The following CASP4 variants were observed in gnomAD, a reference collection of about 807,000 sequenced individuals.
CASP4 encodes the protein caspase-4.
In CASP4, 29 loss-of-function variants were observed where a neutral mutation model predicts 41.3. The ratio of observed to expected loss-of-function variants is 0.70; its 90% CI spans 0.52 to 0.96. CASP4 has a LOEUF of 0.96. Among genes scored for constraint, CASP4 ranks in the 40% least tolerant of loss-of-function variants. The pLI, the probability that CASP4 is intolerant of heterozygous loss-of-function variation, is 0.00. For synonymous variants in CASP4, 185 were observed against 158.4 expected, an observed-to-expected ratio of 1.17 and a Z score of -1.26; for missense variants, 447 against 460.6, an observed-to-expected ratio of 0.97 and a Z score of 0.27.
chr11:104,946,118 A>C (rs1184700835), intron 7 of CASP4, among the ~76,000 whole-genome samples: 2 of 152,112 alleles, frequency 1.3e-5, no homozygotes, highest in African/African-American at 4.8e-5. Flanking sequence ...GAGTGCTGGG[A>C]TTACAGGAAT....
intron 1 of CASP4, among the ~76,000 whole-genome samples, chr11:104,958,687 G>A (rs1163636267): frequency 2.0e-5 from 3 of 152,090 alleles, no homozygotes; most frequent in Non-Finnish European, 4.4e-5. Context: ...TAGGCCCTGC[G>A]CAGTGGCTCA....
At chr11:104,949,927 G>C (rs1860566740) in intron 4 of CASP4, 150 bp from the exon 5 acceptor site, 2 of 717,070 alleles carry the variant, frequency 2.8e-6, no homozygotes, top group South Asian at 3.8e-5. Flanking sequence ...GCTGTTTAAT[G>C]GTTTTATTTT....
At chr11:104,944,661 A>G (rs1860409293) in intron 8 of CASP4, 87 bp downstream of exon 8, 2 of 830,112 alleles carry the variant, frequency 2.4e-6, no homozygotes, top group Non-Finnish European at 4.1e-6. Flanking sequence ...CCATCCAAGT[A>G]CTCAGCTGTC....
intron 1 of CASP4, among the ~76,000 whole-genome samples, chr11:104,956,398 G>GC (rs1484451919): frequency 1.3e-5 from 2 of 151,888 alleles, no homozygotes; most frequent in African/African-American, 2.4e-5. Flanking sequence ...CCCTCATCAT[G>GC]CCAAGTGCAT....
At chr11:104,957,866 A>G (rs1423986691) in intron 1 of CASP4, among the ~76,000 whole-genome samples, 1 of 152,194 alleles carries the variant, frequency 6.6e-6, no homozygotes, top group East Asian at 1.9e-4. Flanking sequence ...AGCTGCAGGC[A>G]TCGCACTATC....
chr11:104,944,961 A>G (rs1236221641), intron 7 of CASP4, 110 bp from the exon 8 acceptor site: 4 of 759,906 alleles, frequency 5.3e-6, no homozygotes, highest in Non-Finnish European at 9.1e-6. Context: ...TGCAGGTTTC[A>G]TAGAACCAAG....
chr11:104,946,320 T>C (rs1056906065), intron 7 of CASP4, among the ~76,000 whole-genome samples: 9 of 152,388 alleles, frequency 5.9e-5, no homozygotes, highest in Non-Finnish European at 1.3e-4. Context: ...CATGTATTTA[T>C]TCAATAATTA....
chr11:104,945,808 C>T (rs899838990), intron 7 of CASP4, among the ~76,000 whole-genome samples: 1 of 151,954 alleles, frequency 6.6e-6, no homozygotes, highest in Admixed American at 6.6e-5. Flanking sequence ...TGCATTTCCT[C>T]CTCCTTCTCC....
chr11:104,959,444 G>T (rs1860810109), intron 1 of CASP4, among the ~76,000 whole-genome samples: 1 of 152,102 alleles, frequency 6.6e-6, no homozygotes, highest in Admixed American at 6.5e-5. Context: ...ATGTTTATTT[G>T]TCAAATAAAT....
chr11:104,950,797 TACACACACACAC>T, intron 4 of CASP4, 116 bp downstream of exon 4: 1 of 463,860 alleles, frequency 2.2e-6, no homozygotes, highest in South Asian at 4.0e-5. Flanking sequence ...TTATTTTGTA[TACACACACACAC>T]ACACACACAC....
At chr11:104,966,492 A>G (rs1860978688) in intron 1 of CASP4, among the ~76,000 whole-genome samples, 1 of 152,260 alleles carries the variant, frequency 6.6e-6, no homozygotes, top group Non-Finnish European at 1.5e-5. Context: ...GAAGCTCAAG[A>G]AAAGCATAAG....
intron 1 of CASP4, among the ~76,000 whole-genome samples, chr11:104,960,768 T>C (rs55775626): frequency 1.3e-5 from 2 of 152,026 alleles, no homozygotes; most frequent in African/African-American, 2.4e-5. Flanking sequence ...AGCCACCACA[T>C]CCAGCCTTTT....
intron 7 of CASP4, among the ~76,000 whole-genome samples, chr11:104,945,865 A>G (rs1860446684): frequency 6.6e-6 from 1 of 150,430 alleles, no homozygotes; most frequent in Non-Finnish European, 1.5e-5. Flanking sequence ...TTCTTTTTTT[A>G]AGACAGGGTC....
chr11:104,964,188 C>T (rs1257452093), intron 1 of CASP4, among the ~76,000 whole-genome samples: 2 of 152,038 alleles, frequency 1.3e-5, no homozygotes, highest in Non-Finnish European at 2.9e-5. Context: ...TTGCTTTGGT[C>T]GTTTTCAAAA....
At chr11:104,951,721 G>A (rs1222283215) in intron 3 of CASP4, 175 bp downstream of exon 3, 2 of 654,280 alleles carry the variant, frequency 3.1e-6, no homozygotes, top group Non-Finnish European at 5.6e-6. Flanking sequence ...ATCATGGATT[G>A]AGAAAGGATT....
rs891066126 is a variant in CASP4 at position 104,954,784 on chromosome 11, G to T, written c.225C>A (p.Thr75=). ...QRMAGQMLLQ[T]FFNIDQISPN... ...GGGATATTTGGTCTATGTTAAAAAA[G>T]GTTTGAAGAAGCATTTGTCCTGCCA... The change falls in exon 2 of 9, where the codon ACC becomes ACA. Residue 75 remains threonine (T), a synonymous_variant. Transcript: ENST00000444739. 3.7e-6 allele frequency: 6 copies of T among 1,613,406 alleles called. No individual in the cohort carries two copies. The highest frequency in any genetic ancestry group is 1.3e-5 in the African/African-American group (1 of 74,884).
intron 1 of CASP4, among the ~76,000 whole-genome samples, chr11:104,958,317 A>G (rs1860780429): frequency 6.6e-6 from 1 of 152,184 alleles, no homozygotes; most frequent in African/African-American, 2.4e-5. Flanking sequence ...TACACAGTCA[A>G]AGAAACAATC....
intron 1 of CASP4, chr11:104,956,799 A>G (rs1426701320): frequency 1.7e-5 from 3 of 171,674 alleles, no homozygotes; most frequent in Non-Finnish European, 3.5e-5. Flanking sequence ...GGGATATCCA[A>G]ACTACCTGAG....
At chr11:104,946,484 G>A (rs953757769) in intron 7 of CASP4, 1 of 152,164 alleles carries the variant, frequency 6.6e-6, no homozygotes, top group Non-Finnish European at 1.5e-5. Flanking sequence ...TACGAGCTAT[G>A]GAGAAAAATA....
Sources: allele counts gnomAD v4.1 joint callset (sites outside exome capture counted in the v4.1 genomes callset), GRCh38; gene constraint gnomAD v4.1.1; transcripts MANE v1.5; gene names NCBI Gene and HGNC (gene_info 2026-07-23, HGNC 2026-07-21).